Variants in SFPQ observed in about 807,000 individuals in gnomAD.
The protein encoded by SFPQ is splicing factor, proline- and glutamine-rich.
SFPQ carries 11 observed loss-of-function variants against 72.9 expected under a neutral mutation model. That is an observed-to-expected ratio of 0.15 (90% CI 0.09 to 0.25). The LOEUF (loss-of-function observed/expected upper bound fraction) is 0.25, where lower values mean the gene tolerates loss of function less well. Ranked by LOEUF, SFPQ falls within the 10% of genes least tolerant of loss-of-function variation. SFPQ has a pLI of 1.00. For synonymous variants in SFPQ, 506 were observed against 367.3 expected, an observed-to-expected ratio of 1.38 and a Z score of -4.32; for missense variants, 847 against 993.3, an observed-to-expected ratio of 0.85 and a Z score of 1.98.
chr1:35,178,486 G>A (rs925850029), downstream of SFPQ: 10 of 1,063,800 alleles, frequency 9.4e-6, no homozygotes, highest in Non-Finnish European at 9.1e-6. Flanking sequence ...AGTCCTCCAA[G>A]AGTGCCCAAC....
intron 4 of SFPQ, chr1:35,177,621 C>A (rs1361286742): frequency 2.0e-5 from 3 of 153,604 alleles, no homozygotes; most frequent in African/African-American, 7.2e-5. Flanking sequence ...AGGTGTAAAG[C>A]CACCATGCCT....
intron 2 of SFPQ, 150 bp downstream of exon 2, chr1:35,191,191 T>A: frequency 1.2e-6 from 1 of 817,928 alleles, no homozygotes; most frequent in Admixed American, 2.8e-5. Context: ...TTATGCATTA[T>A]ACCGCAAGCA....
At chr1:35,182,239 G>GTAC, downstream of SFPQ, 1 of 985,294 alleles carries the variant, frequency 1.0e-6, no homozygotes, top group Non-Finnish European at 1.2e-6. Context: ...CTTGTCTTTA[G>GTAC]TAGAGTCCCT....
Position 35,190,725 on chromosome 1 carries a change from G to A in SFPQ, c.1288C>T (p.Arg430Ter). 1 of 1,614,188 alleles carries A rather than the reference G, an allele frequency of 6.2e-7. No individual in the cohort carries two copies. Among genetic ancestry groups the A allele is most frequent in the Non-Finnish European group, 8.5e-7 (1 of 1,180,040 alleles). ...SKPAARKAFE[R>*]CSEGVFLLTT... ...AGTAAGAAAACACCTTCACTGCATC[G>A]TTCAAATGCCTTTCTTGCTGCTGGC... The change falls in exon 3 of 10, where the codon CGA (arginine) becomes TGA (stop). Residue 430 changes from arginine to a stop codon, truncating the protein, a stop_gained. Coordinates refer to ENST00000357214, the MANE Select transcript of SFPQ (RefSeq NM_005066.3). LOFTEE classifies it high-confidence loss of function.
In SFPQ at chr1:35,189,427, T is replaced by C. The variant is rs576634595; in HGVS notation, c.1416-45A>G. 359 of 1,432,952 alleles carry C rather than the reference T, an allele frequency of 2.5e-4. 3 individuals are homozygous for C. In the South Asian group the frequency reaches 4.0e-3, roughly 16 times the overall value. The allele number at this position is 1,432,952 out of a possible 1,614,324, so 88.8% of individuals were successfully genotyped here. A position where few individuals can be genotyped will look rare whatever the true frequency, so the allele number is the denominator to read the frequency against. ...TAACATGAACCGATTTGTGAATGCA[T>C]ACCAGAAAATACTTGCCCTAGTACT... On this transcript the variant is annotated intron_variant, in intron 4 of 9. Coordinates refer to ENST00000357214, the MANE Select transcript of SFPQ (RefSeq NM_005066.3).
At position 35,193,104 on chromosome 1, in the gene SFPQ, G is replaced by A. The variant is rs886588187; in HGVS notation, c.-55C>T. On this transcript the variant is annotated 5_prime_UTR_variant, in exon 1 of 10. Transcript: ENST00000357214. Reference sequence around the variant, plus strand: ...AGCGAAGAAGACGCTCAGGAAACGTGGAGGCCACCTTGCTTCTCACAAAAT... The same window carrying A: ...AGCGAAGAAGACGCTCAGGAAACGTAGAGGCCACCTTGCTTCTCACAAAAT... 1.4e-4 allele frequency: 205 copies of A among 1,499,818 alleles called. No homozygotes were observed. The African/African-American group carries it at 1.5e-3, about 11-fold the overall frequency. The allele number at this position is 1,499,818 out of a possible 1,614,324, so 92.9% of individuals were successfully genotyped here. A position where few individuals can be genotyped will look rare whatever the true frequency, so the allele number is the denominator to read the frequency against.
In SFPQ at chr1:35,184,408, C is replaced by A. The variant is rs375041933; in HGVS notation, c.*48G>T. 36 of 1,591,278 alleles carry A rather than the reference C, an allele frequency of 2.3e-5. No individual in the cohort carries two copies. Among genetic ancestry groups the A allele is most frequent in the Non-Finnish European group, 2.8e-5 (33 of 1,173,512 alleles). The stretch of plus-strand genomic sequence containing the variant: ...ATGCAAGAATTTAAAAGATTGGTAT[C>A]TAAACAAAAAAACAAAACAAACTGG... On this transcript the variant is annotated 3_prime_UTR_variant, in exon 10 of 10. Transcript: ENST00000357214.
At chr1:35,179,865 T>A, downstream of SFPQ, 3 of 1,054,078 alleles carry the variant, frequency 2.8e-6, no homozygotes, top group Non-Finnish European at 3.4e-6. Flanking sequence ...GGCCACCGAT[T>A]TAATGGATTA....
rs1460148632 is a variant in SFPQ, at chr1:35,192,257, C to T, written c.793G>A (p.Gly265Ser). The T allele has an allele frequency of 6.8e-7, 1 of 1,463,120 alleles. No homozygotes were observed. Among genetic ancestry groups the T allele is most frequent in the Non-Finnish European group, 9.0e-7 (1 of 1,115,022 alleles). The allele number at this position is 1,463,120 out of a possible 1,614,324, so 90.6% of individuals were successfully genotyped here. The change falls in exon 1 of 10, where the codon GGC (glycine) becomes AGC (serine). Residue 265 changes from glycine to serine, a missense_variant. Transcript: ENST00000357214. ...HHQGPPPGGPGGRSEEKISDS... is the reference protein window; with the variant it reads ...HHQGPPPGGPSGRSEEKISDS... ...GAGATCTTCTCCTCGCTGCGGCCGC[C>T]GGGCCCGCCGGGCGGGGGCCCCTGG...
downstream of SFPQ, chr1:35,178,219 T>C (rs1270638891): frequency 1.8e-6 from 2 of 1,102,166 alleles, no homozygotes; most frequent in East Asian, 5.2e-5. Flanking sequence ...TATTCTTACA[T>C]AAAATAAGTA....
intron 4 of SFPQ, among the ~76,000 whole-genome samples, chr1:35,190,133 G>A (rs1639924895): frequency 6.6e-6 from 1 of 151,988 alleles, no homozygotes; most frequent in Admixed American, 6.6e-5. Flanking sequence ...GGTGGCACAT[G>A]CCTGTAATCC....
chr1:35,183,898 G>C lies in SFPQ; in HGVS notation c.*558C>G. On this transcript the variant is annotated 3_prime_UTR_variant, in exon 10 of 10. Coordinates refer to ENST00000357214, the MANE Select transcript of SFPQ (RefSeq NM_005066.3). The stretch of plus-strand genomic sequence containing the variant: ...CATTTAAAAAATACTTAGCACCAGC[G>C]TGCTTCCTATATGCCAAACAAATCA... 1.9e-6 allele frequency: 2 copies of C among 1,051,774 alleles called. No individual in the cohort carries two copies. Among genetic ancestry groups the C allele is most frequent in the Non-Finnish European group, 2.3e-6 (2 of 870,618 alleles). 65.2% of individuals were successfully genotyped at this position (1,051,774 alleles called of 1,614,324 possible). A position where few individuals can be genotyped will look rare whatever the true frequency, so the allele number is the denominator to read the frequency against.
At chr1:35,181,140 T>G (rs1639450071), downstream of SFPQ, 9 of 1,065,146 alleles carry the variant, frequency 8.4e-6, no homozygotes, top group African/African-American at 1.6e-5. Flanking sequence ...CCTACCTGTA[T>G]GCAGTCGGCA....
intron 4 of SFPQ, 61 bp from the exon 5 acceptor site, chr1:35,189,443 C>T: frequency 7.7e-7 from 1 of 1,293,898 alleles, no homozygotes. Context: ...AAAATACTTG[C>T]CCTAGTACTG....
intron 1 of SFPQ, among the ~76,000 whole-genome samples, chr1:35,191,852 C>G (rs947136111): frequency 6.6e-6 from 1 of 152,254 alleles, no homozygotes; most frequent in African/African-American, 2.4e-5. Flanking sequence ...AATCCAAATG[C>G]CACTGTAACC....
At position 35,183,824 on chromosome 1, in the gene SFPQ, T is replaced by C; in HGVS notation, c.*632A>G. 1 of 1,055,804 alleles carries C rather than the reference T, an allele frequency of 9.5e-7. No individual in the cohort carries two copies. The highest frequency in any genetic ancestry group is 1.1e-6 in the Non-Finnish European group (1 of 873,176). 65.4% of individuals were successfully genotyped at this position (1,055,804 alleles called of 1,614,324 possible). On this transcript the variant is annotated 3_prime_UTR_variant, in exon 10 of 10. Transcript: ENST00000357214. ...CAATTGTCTTACACCCATTCCACAATCTTAATACATATTCCTGAAGATTTA... is the reference window on the plus strand; with the variant it reads ...CAATTGTCTTACACCCATTCCACAACCTTAATACATATTCCTGAAGATTTA...
downstream of SFPQ, chr1:35,179,359 A>G (rs1349874990): frequency 9.5e-7 from 1 of 1,057,814 alleles, no homozygotes; most frequent in Non-Finnish European, 1.1e-6. Context: ...TTGCATGAAG[A>G]GCACCCATTG....
chr1:35,181,519 A>C, downstream of SFPQ: 1 of 1,063,326 alleles, frequency 9.4e-7, no homozygotes, highest in Non-Finnish European at 1.1e-6. Context: ...GTTCTAAGCA[A>C]AGAGGATTAT....
chr1:35,192,975 G>A lies in SFPQ; in HGVS notation c.75C>T (p.Arg25=). The change falls in exon 1 of 10, where the codon CGC becomes CGT. Residue 25 remains arginine, a synonymous_variant. Transcript: ENST00000357214. ...GAGAACGGAAGTCGTGGAGGCCGCC[G>A]CGGCCGCCGCCTCCTCCACGCCTGT... ...GFHRRGGGGG[R]GGLHDFRSPP... The A allele has an allele frequency of 6.4e-7, 1 of 1,573,216 alleles. No individual in the cohort carries two copies. Among genetic ancestry groups the A allele is most frequent in the Non-Finnish European group, 8.6e-7 (1 of 1,168,604 alleles).
Sources: allele counts gnomAD v4.1 joint callset (sites outside exome capture counted in the v4.1 genomes callset), GRCh38; gene constraint gnomAD v4.1.1; transcripts MANE v1.5; gene names NCBI Gene and HGNC (gene_info 2026-07-23, HGNC 2026-07-21).